MTA3: variants seen among roughly 807,000 people sequenced by gnomAD.
MTA3 encodes the protein metastasis-associated protein MTA3.
A neutral mutation model predicts 83.5 loss-of-function variants in MTA3; 34 were observed. That is an observed-to-expected ratio of 0.41 (90% CI 0.31 to 0.54). MTA3 has a LOEUF of 0.54. Among genes scored for constraint, MTA3 ranks in the 20% least tolerant of loss-of-function variants. The pLI is 0.33. For synonymous variants in MTA3, 303 were observed against 252.7 expected, an observed-to-expected ratio of 1.20 and a Z score of -1.89; for missense variants, 761 against 726.4, an observed-to-expected ratio of 1.05 and a Z score of -0.55.
intron 16 of MTA3, among the ~76,000 whole-genome samples, chr2:42,739,285 C>T (rs1003931701): frequency 7.2e-5 from 11 of 152,158 alleles, no homozygotes; most frequent in East Asian, 1.9e-4. Flanking sequence ...AAAGAACCTA[C>T]GTGATTATCG....
intron 3 of MTA3, among the ~76,000 whole-genome samples, chr2:42,607,941 A>G (rs1683693324): frequency 6.6e-6 from 1 of 152,120 alleles, no homozygotes; most frequent in East Asian, 1.9e-4. Context: ...ACAGAGCGAG[A>G]CTCCGTCTAA....
intron 3 of MTA3, among the ~76,000 whole-genome samples, chr2:42,592,458 C>A (rs564301203): frequency 1.3e-5 from 2 of 151,964 alleles, no homozygotes; most frequent in Non-Finnish European, 2.9e-5. Context: ...GTGGCATGCA[C>A]GTGTGGTCCC....
At chr2:42,517,165 C>G (rs1046706959) in intron 2 of MTA3, among the ~76,000 whole-genome samples, 17 of 152,042 alleles carry the variant, frequency 1.1e-4, no homozygotes, top group African/African-American at 4.1e-4. Flanking sequence ...GAGGCTAAGG[C>G]AGGAGAATCG....
At chr2:42,618,320 C>G (rs1221569181) in intron 4 of MTA3, among the ~76,000 whole-genome samples, 2 of 152,074 alleles carry the variant, frequency 1.3e-5, no homozygotes, top group Non-Finnish European at 2.9e-5. Flanking sequence ...AGACCTTTTT[C>G]TAACTTAGGG....
At chr2:42,630,311 C>G (rs1041191967) in intron 4 of MTA3, among the ~76,000 whole-genome samples, 1 of 152,124 alleles carries the variant, frequency 6.6e-6, no homozygotes, top group Non-Finnish European at 1.5e-5. Context: ...TCTTGTCAAC[C>G]TTGTGGGGAC....
At chr2:42,658,086 A>G (rs1202297789) in intron 7 of MTA3, among the ~76,000 whole-genome samples, 1 of 150,772 alleles carries the variant, frequency 6.6e-6, no homozygotes, top group African/African-American at 2.4e-5. Context: ...AAAAAAAAAA[A>G]AAAAAAAAAA....
chr2:42,755,893 G>T lies in MTA3; in HGVS notation c.*2494G>T. 1 of 985,346 alleles carries T rather than the reference G, an allele frequency of 1.0e-6. No individual in the cohort carries two copies. Among genetic ancestry groups the T allele is most frequent in the Non-Finnish European group, 1.2e-6 (1 of 829,824 alleles). The allele number at this position is 985,346 out of a possible 1,614,324, so 61.0% of individuals were successfully genotyped here. ...TCCCCCTCTGGCTCAGTCATCGCCT[G>T]CCCACCCTTCACTTCTTAAAGGTGC... On this transcript the variant is annotated 3_prime_UTR_variant, in exon 17 of 17. Coordinates refer to ENST00000405094, the MANE Select transcript of MTA3 (RefSeq NM_001330442.2).
At chr2:42,679,894 A>G (rs756006282) in intron 8 of MTA3, among the ~76,000 whole-genome samples, 8 of 151,104 alleles carry the variant, frequency 5.3e-5, no homozygotes, top group Non-Finnish European at 8.8e-5. Context: ...AACAATTTAC[A>G]TTGAGTATTT....
intron 2 of MTA3, among the ~76,000 whole-genome samples, chr2:42,571,971 A>G (rs971022469): frequency 6.7e-6 from 1 of 149,412 alleles, no homozygotes. Flanking sequence ...AATTGAAGGG[A>G]ATTTGTAAAA....
rs1254983120 is a variant in MTA3 at position 42,579,198 on chromosome 2, C to G, written c.188C>G (p.Ala63Gly). 1 of 1,585,376 alleles carries G rather than the reference C, an allele frequency of 6.3e-7. No homozygotes were observed. The highest frequency in any genetic ancestry group is 1.8e-5 in the Admixed American group (1 of 54,882). The change falls in exon 3 of 17, where the codon GCT becomes GGT. Residue 63 changes from alanine (A) to glycine (G), a missense_variant and splice_region_variant. Physicochemically the swap from Ala to Gly is moderately conservative, Grantham distance 60 (BLOSUM62 0). Coordinates refer to ENST00000405094, the MANE Select transcript of MTA3 (RefSeq NM_001330442.2). ...NTLIMLADKH[A>G]KEIEEESETT... ...CTTATAATGCTCGCAGATAAGCATG[C>G]TAGTAAGTTGTTTTTCTCTGATTAA...
chr2:42,726,333 T>C (rs1219300744), intron 16 of MTA3, among the ~76,000 whole-genome samples: 2 of 152,090 alleles, frequency 1.3e-5, no homozygotes, highest in East Asian at 1.9e-4. Flanking sequence ...TACCTTTGCA[T>C]TGCAGGTTCT....
At chr2:42,628,355 C>G (rs113751982) in intron 4 of MTA3, among the ~76,000 whole-genome samples, 3 of 151,868 alleles carry the variant, frequency 2.0e-5, no homozygotes, top group Non-Finnish European at 1.5e-5. Flanking sequence ...CTCAGCCTCC[C>G]GAGTAGCTGG....
intron 2 of MTA3, among the ~76,000 whole-genome samples, chr2:42,578,409 G>C (rs996994246): frequency 6.6e-6 from 1 of 152,152 alleles, no homozygotes; most frequent in African/African-American, 2.4e-5. Flanking sequence ...TTGCATTGTA[G>C]ATTGTAGCCA....
At chr2:42,722,658 C>T (rs1667508291) in intron 15 of MTA3, among the ~76,000 whole-genome samples, 1 of 151,990 alleles carries the variant, frequency 6.6e-6, no homozygotes, top group Non-Finnish European at 1.5e-5. Flanking sequence ...TGCTTGTATT[C>T]ACAACCCGAG....
chr2:42,568,345 C>G (rs1227048503), upstream of MTA3: 3 of 178,074 alleles, frequency 1.7e-5, no homozygotes, highest in African/African-American at 7.1e-5. Flanking sequence ...AGCCCCTGGT[C>G]CGCATTTGAG....
chr2:42,706,382 C>T (rs1666080371), intron 12 of MTA3, among the ~76,000 whole-genome samples: 1 of 151,870 alleles, frequency 6.6e-6, no homozygotes, highest in Admixed American at 6.6e-5. Flanking sequence ...TAAATGAAAG[C>T]CTAAAATAGG....
At chr2:42,609,391 TC>T in intron 3 of MTA3, 66 bp from the exon 4 acceptor site, 1 of 1,465,684 alleles carries the variant, frequency 6.8e-7, no homozygotes, top group Admixed American at 2.0e-5. Flanking sequence ...GTTGATTTGA[TC>T]TGTTTCAATA....
chr2:42,642,566 T>G (rs1293083495), intron 5 of MTA3, among the ~76,000 whole-genome samples: 4 of 151,930 alleles, frequency 2.6e-5, no homozygotes, highest in East Asian at 1.9e-4. Flanking sequence ...TATTTATTAC[T>G]CATGTCTGTA....
chr2:42,662,173 A>G (rs1689783523), intron 8 of MTA3, among the ~76,000 whole-genome samples: 1 of 152,076 alleles, frequency 6.6e-6, no homozygotes, highest in Non-Finnish European at 1.5e-5. Context: ...ATACTACACA[A>G]CATTATTTAT....
Sources: allele counts gnomAD v4.1 joint callset (sites outside exome capture counted in the v4.1 genomes callset), GRCh38; gene constraint gnomAD v4.1.1; transcripts MANE v1.5; gene names NCBI Gene and HGNC (gene_info 2026-07-23, HGNC 2026-07-21).